ASIC2: variants seen among roughly 807,000 people sequenced by gnomAD.
ASIC2 encodes acid sensing ion channel subunit 2.
Under a neutral mutation model 57.3 loss-of-function variants are expected in ASIC2, and 25 were observed. The observed-to-expected ratio is 0.44, with a 90% confidence interval of 0.32 to 0.61. The LOEUF is 0.61. Among genes scored for constraint, ASIC2 ranks in the 20% least tolerant of loss-of-function variants. ASIC2 has a pLI of 0.06. For missense variants in ASIC2, 641 were observed against 738.1 expected (o/e 0.87, Z 1.52); for synonymous variants, 319 against 307.5 (o/e 1.04, Z -0.39).
intron 1 of ASIC2, among the ~76,000 whole-genome samples, chr17:33,464,687 C>CTCTCTCTCTA (rs1264604173): frequency 2.3e-5 from 3 of 132,596 alleles, no homozygotes; most frequent in African/African-American, 8.8e-5. Context: ...CTCTCTCTCT[C>CTCTCTCTCTA]TATATATATA....
rs766382124 is a variant in ASIC2, at chr17:34,044,125, C to T, written c.555+111853G>A. Among the ~76,000 whole-genome samples, 12 of 48,960 alleles carry T rather than the reference C, an allele frequency of 2.5e-4. No homozygotes were observed. The African/African-American group carries it at 2.9e-3, about 12-fold the overall frequency. 32.1% of individuals were successfully genotyped at this position (48,960 alleles called of 152,430 possible). ...TCACACACACACACACACACACACA[C>T]GCACGCACACACACACACACACACC... On this transcript the variant is annotated intron_variant, in intron 1 of 9. Transcript: ENST00000359872.
chr17:33,975,422 A>C (rs936862942), intron 1 of ASIC2, among the ~76,000 whole-genome samples: 4 of 152,066 alleles, frequency 2.6e-5, no homozygotes, highest in African/African-American at 9.7e-5. Context: ...CTGCAATCTG[A>C]ACCACTTTCA....
intron 1 of ASIC2, among the ~76,000 whole-genome samples, chr17:33,436,499 G>C (rs972557879): frequency 6.7e-6 from 1 of 149,594 alleles, no homozygotes; most frequent in Admixed American, 6.6e-5. Context: ...TGGCTCAACT[G>C]GTCCTGTGGC....
At chr17:33,340,460 C>T (rs932925248) in intron 1 of ASIC2, among the ~76,000 whole-genome samples, 14 of 152,096 alleles carry the variant, frequency 9.2e-5, no homozygotes, top group African/African-American at 3.1e-4. Flanking sequence ...ACTAGGTCAG[C>T]GCTTGGCACA....
At chr17:33,317,517 A>G (rs1906704223) in intron 1 of ASIC2, among the ~76,000 whole-genome samples, 2 of 152,218 alleles carry the variant, frequency 1.3e-5, no homozygotes, top group Admixed American at 6.5e-5. Flanking sequence ...TCTAAGGGAC[A>G]CCCAATGAAA....
chr17:33,562,246 T>C (rs1292541011), intron 1 of ASIC2, among the ~76,000 whole-genome samples: 1 of 152,186 alleles, frequency 6.6e-6, no homozygotes, highest in East Asian at 1.9e-4. Flanking sequence ...AAATGGCTGT[T>C]TTTATGCAGG....
chr17:33,254,676 G>C (rs549856567), intron 1 of ASIC2, among the ~76,000 whole-genome samples: 1 of 151,952 alleles, frequency 6.6e-6, no homozygotes, highest in Non-Finnish European at 1.5e-5. Context: ...CACTTTGTAG[G>C]CATGTAAAAC....
intron 1 of ASIC2, among the ~76,000 whole-genome samples, chr17:33,575,776 G>C (rs941449140): frequency 6.6e-6 from 1 of 152,102 alleles, no homozygotes; most frequent in Non-Finnish European, 1.5e-5. Context: ...AGGTTTCATG[G>C]GCAGAGGGGC....
At chr17:33,219,652 C>T (rs1222762649) in intron 1 of ASIC2, among the ~76,000 whole-genome samples, 3 of 152,152 alleles carry the variant, frequency 2.0e-5, no homozygotes, top group Non-Finnish European at 4.4e-5. Context: ...ACTCTGGGGT[C>T]TTCTGAGATG....
At chr17:33,714,281 T>C (rs1909142316) in intron 1 of ASIC2, among the ~76,000 whole-genome samples, 1 of 152,184 alleles carries the variant, frequency 6.6e-6, no homozygotes, top group South Asian at 2.1e-4. Flanking sequence ...CATAAAAGCA[T>C]GCAATGAAGC....
chr17:33,571,067 C>T (rs1037833678), intron 1 of ASIC2, among the ~76,000 whole-genome samples: 3 of 152,068 alleles, frequency 2.0e-5, no homozygotes, highest in African/African-American at 7.2e-5. Flanking sequence ...AATTCCCCAC[C>T]TCATCTACCC....
At chr17:33,092,535 A>G (rs553044064) in intron 2 of ASIC2, among the ~76,000 whole-genome samples, 2 of 152,308 alleles carry the variant, frequency 1.3e-5, no homozygotes, top group African/African-American at 2.4e-5. Flanking sequence ...TGATTCAGTC[A>G]CTCTGGAGTG....
chr17:33,014,707 C>T (rs1014959204), intron 9 of ASIC2, among the ~76,000 whole-genome samples: 7 of 152,022 alleles, frequency 4.6e-5, no homozygotes, highest in African/African-American at 1.5e-4. Context: ...GAGGCTGTGC[C>T]AGGAATTTGG....
At chr17:33,028,541 T>A in intron 3 of ASIC2, 149 bp from the exon 4 acceptor site, 3 of 1,080,170 alleles carry the variant, frequency 2.8e-6, no homozygotes, top group Non-Finnish European at 3.9e-6. Context: ...CTAGTTTTCT[T>A]ACCTTACTTT....
At chr17:33,761,206 A>G (rs912194304) in intron 1 of ASIC2, among the ~76,000 whole-genome samples, 1 of 152,228 alleles carries the variant, frequency 6.6e-6, no homozygotes, top group Non-Finnish European at 1.5e-5. Flanking sequence ...CTATCCTGCA[A>G]ATACACTATT....
intron 1 of ASIC2, among the ~76,000 whole-genome samples, chr17:33,487,344 A>G (rs1219915662): frequency 6.6e-6 from 1 of 152,216 alleles, no homozygotes; most frequent in African/African-American, 2.4e-5. Flanking sequence ...CCACATTGAT[A>G]CTGATGAAAT....
intron 1 of ASIC2, among the ~76,000 whole-genome samples, chr17:33,385,574 T>A (rs1353503137): frequency 6.6e-6 from 1 of 152,270 alleles, no homozygotes; most frequent in Non-Finnish European, 1.5e-5. Flanking sequence ...TTTAAACTAA[T>A]CTCTTGTAAT....
chr17:33,411,278 T>G (rs1251027515), intron 1 of ASIC2, among the ~76,000 whole-genome samples: 2 of 152,204 alleles, frequency 1.3e-5, no homozygotes, highest in African/African-American at 2.4e-5. Context: ...GAGTTTGGAT[T>G]ATATGGTTGT....
In ASIC2 at chr17:34,099,154, GAGAGAGAGAGAAAGAAAGAA is replaced by G. The variant is rs1567820894; in HGVS notation, c.555+56804_555+56823del. Among the ~76,000 whole-genome samples, 9 of 26,238 alleles carry G rather than the reference GAGAGAGAGAGAAAGAAAGAA, an allele frequency of 3.4e-4. No individual in the cohort carries two copies. In the East Asian group the frequency reaches 4.0e-3, roughly 12 times the overall value. 17.2% of individuals were successfully genotyped at this position (26,238 alleles called of 152,430 possible). ...AGAGAGAGAGAGAGAGACAGAGAGA[GAGAGAGAGAGAAAGAAAGAA>G]AGAAAGAAAGAAAGAAAGAAAGAAA... is the stretch of plus-strand genomic sequence containing the variant. On this transcript the variant is annotated intron_variant, in intron 1 of 9. Coordinates refer to the ASIC2 transcript ENST00000359872.
Sources: gnomAD v4.1 joint callset for allele counts (sites outside exome capture counted in the v4.1 genomes callset) on GRCh38, gnomAD v4.1.1 for gene constraint, MANE v1.5 for transcripts, NCBI Gene and HGNC (gene_info 2026-07-23, HGNC 2026-07-21) for gene names.